The following COBLL1 variants were observed in gnomAD, a reference collection of about 807,000 sequenced individuals.
The protein encoded by COBLL1 is cordon-bleu WH2 repeat protein like 1.
Under a neutral mutation model 94.8 loss-of-function variants are expected in COBLL1, and 50 were observed. The ratio of observed to expected loss-of-function variants is 0.53; its 90% CI spans 0.42 to 0.67. The LOEUF is 0.67. COBLL1 is among the 30% of genes least tolerant of loss of function. The pLI is 0.00. For synonymous variants in COBLL1, 448 were observed against 473.8 expected, an observed-to-expected ratio of 0.95 and a Z score of 0.71; for missense variants, 1,362 against 1,348.7, an observed-to-expected ratio of 1.01 and a Z score of -0.15.
In COBLL1 at chr2:164,819,562, T is replaced by C. The variant is rs116122933; in HGVS notation, c.41+21594A>G. Among the ~76,000 whole-genome samples the C allele has an allele frequency of 8.4e-3, 1,282 of 151,996 alleles. 18 individuals are homozygous for C. The highest frequency in any genetic ancestry group is 0.03 in the African/African-American group (1,225 of 41,454). The stretch of plus-strand genomic sequence containing the variant: ...TTAATCAAACTGAAAAATGAGAAAA[T>C]GCAATGAAAGCTCAGAGATGTCAGG... On this transcript the variant is annotated intron_variant, in intron 2 of 13. Coordinates refer to ENST00000652658, the MANE Select transcript of COBLL1 (RefSeq NM_001365672.2).
At chr2:164,721,883 TAGA>T (rs1374597988) in intron 7 of COBLL1, 189 bp downstream of exon 7, 3 of 421,140 alleles carry the variant, frequency 7.1e-6, no homozygotes, top group Non-Finnish European at 1.3e-5. Flanking sequence ...TGTATGTACA[TAGA>T]AGATCTATTC....
At chr2:164,825,030 A>C (rs1442043550) in intron 2 of COBLL1, among the ~76,000 whole-genome samples, 2 of 152,314 alleles carry the variant, frequency 1.3e-5, no homozygotes, top group East Asian at 3.9e-4. Flanking sequence ...GTCATACCTT[A>C]AGCTGCAGTT....
intron 7 of COBLL1, among the ~76,000 whole-genome samples, chr2:164,709,494 G>A (rs935578585): frequency 2.0e-5 from 3 of 152,174 alleles, no homozygotes; most frequent in Admixed American, 6.5e-5. Flanking sequence ...AAGATAGGTA[G>A]AATATCTGAG....
At chr2:164,806,457 G>C (rs1684160637) in intron 2 of COBLL1, among the ~76,000 whole-genome samples, 1 of 152,032 alleles carries the variant, frequency 6.6e-6, no homozygotes, top group African/African-American at 2.4e-5. Context: ...TTCATTTTGT[G>C]CAATTTCATT....
chr2:164,736,851 G>A (rs1686336995), intron 3 of COBLL1, among the ~76,000 whole-genome samples: 1 of 152,154 alleles, frequency 6.6e-6, no homozygotes, highest in Admixed American at 6.5e-5. Context: ...GTACATATAT[G>A]TGCATGCCTA....
At chr2:164,727,482 T>C (rs954054085) in intron 5 of COBLL1, among the ~76,000 whole-genome samples, 1 of 152,064 alleles carries the variant, frequency 6.6e-6, no homozygotes, top group Non-Finnish European at 1.5e-5. Context: ...ATTAGACTGA[T>C]ACATTTCATA....
intron 1 of COBLL1, among the ~76,000 whole-genome samples, chr2:164,672,892 T>C (rs1189514903): frequency 6.6e-6 from 1 of 152,066 alleles, no homozygotes; most frequent in Non-Finnish European, 1.5e-5. Flanking sequence ...TCCTAGTAAA[T>C]TGGTACATCC....
intron 2 of COBLL1, among the ~76,000 whole-genome samples, chr2:164,752,723 T>C (rs1687189258): frequency 6.6e-6 from 1 of 152,104 alleles, no homozygotes; most frequent in Admixed American, 6.6e-5. Context: ...GATGTACCCA[T>C]ACCCCAGCCC....
intron 2 of COBLL1, among the ~76,000 whole-genome samples, chr2:164,774,093 T>C (rs1474120310): frequency 3.3e-5 from 5 of 152,218 alleles, no homozygotes; most frequent in Non-Finnish European, 1.5e-5. Flanking sequence ...ATTCATCGTT[T>C]GATCTGATTG....
intron 2 of COBLL1, among the ~76,000 whole-genome samples, chr2:164,812,502 C>G (rs571230790): frequency 6.6e-5 from 10 of 152,060 alleles, no homozygotes; most frequent in South Asian, 4.2e-4. Flanking sequence ...GAGCAAATAG[C>G]CTTTTTGTGA....
intron 13 of COBLL1, among the ~76,000 whole-genome samples, chr2:164,686,950 T>C (rs1427748366): frequency 6.6e-6 from 1 of 152,216 alleles, no homozygotes; most frequent in Non-Finnish European, 1.5e-5. Flanking sequence ...AAAATGAAAT[T>C]GGCAAATTTA....
chr2:164,781,373 T>G (rs571233081), intron 2 of COBLL1, among the ~76,000 whole-genome samples: 1 of 152,220 alleles, frequency 6.6e-6, no homozygotes, highest in South Asian at 2.1e-4. Context: ...AAAATAAAAT[T>G]GCTACTAACA....
At chr2:164,717,203 C>T (rs1685212956) in intron 7 of COBLL1, among the ~76,000 whole-genome samples, 2 of 152,074 alleles carry the variant, frequency 1.3e-5, no homozygotes, top group African/African-American at 2.4e-5. Context: ...TGTCAAACAG[C>T]GCACCCTTGT....
At chr2:164,711,168 T>C (rs187682028) in intron 7 of COBLL1, among the ~76,000 whole-genome samples, 57 of 152,252 alleles carry the variant, frequency 3.7e-4, no homozygotes, top group African/African-American at 1.3e-3. Flanking sequence ...AGCACCTATG[T>C]CAAAAGGGGC....
chr2:164,687,741 A>G (rs186520290), intron 13 of COBLL1: 18 of 620,358 alleles, frequency 2.9e-5, no homozygotes, highest in Non-Finnish European at 4.7e-5. Flanking sequence ...CTGGGCCCCC[A>G]TAAGGAAAGG....
rs1177329942 is a variant in COBLL1, at chr2:164,841,476, C to G, written c.-50-230G>C. ...GGCGGAGGAGGCGGTGGCGCTGCAG[C>G]CCCCGCCCCGTGGGGTTTACTGGGT... On this transcript the variant is annotated intron_variant, in intron 1 of 13. Transcript: ENST00000652658. The surrounding 1 kb of genome is among the most constrained non-coding windows in gnomAD (Gnocchi z 5.5). 2.6e-6 allele frequency: 3 copies of G among 1,135,008 alleles called. No homozygotes were observed. Among genetic ancestry groups the G allele is most frequent in the African/African-American group, 3.3e-5 (2 of 61,252 alleles). 70.3% of individuals were successfully genotyped at this position (1,135,008 alleles called of 1,614,324 possible).
intron 2 of COBLL1, among the ~76,000 whole-genome samples, chr2:164,769,844 T>C (rs1285021829): frequency 6.6e-6 from 1 of 152,092 alleles, no homozygotes; most frequent in Non-Finnish European, 1.5e-5. Context: ...GGTAAAGAAA[T>C]AAGTACAATT....
chr2:164,741,809 G>GTATGAAGAAAAAATACA (rs1553473656), intron 3 of COBLL1, among the ~76,000 whole-genome samples: 1 of 151,994 alleles, frequency 6.6e-6, no homozygotes, highest in Non-Finnish European at 1.5e-5. Context: ...AATCTATCAG[G>GTATGAAGAAAAAATACA]TATGAAGAAA....
chr2:164,733,312 C>T (rs1281371637), intron 3 of COBLL1, among the ~76,000 whole-genome samples: 1 of 150,554 alleles, frequency 6.6e-6, no homozygotes, highest in Non-Finnish European at 1.5e-5. Context: ...TGGCCTATTC[C>T]CTCAGTCATT....
Sources: allele counts gnomAD v4.1 joint callset (sites outside exome capture counted in the v4.1 genomes callset), GRCh38; gene constraint gnomAD v4.1.1; non-coding constraint Gnocchi (gnomAD v3.1); transcripts MANE v1.5; gene names NCBI Gene and HGNC (gene_info 2026-07-23, HGNC 2026-07-21).